Variants in RBFOX1 observed in about 807,000 individuals in gnomAD.
RBFOX1 encodes the protein RNA binding protein fox-1 homolog 1.
In RBFOX1, 8 loss-of-function variants were observed where a neutral mutation model predicts 57.7. The observed-to-expected ratio is 0.14, with a 90% CI of 0.08 to 0.25. RBFOX1 has a LOEUF of 0.25. RBFOX1 is among the 10% of genes least tolerant of loss of function. The pLI, the probability that RBFOX1 is intolerant of heterozygous loss-of-function variation, is 1.00. For synonymous variants in RBFOX1, 326 were observed against 222.4 expected (o/e 1.47, Z -4.15); for missense variants, 611 against 548.5 (o/e 1.11, Z -1.14).
At chr16:7,663,929 C>G (rs759555572) in intron 12 of RBFOX1, among the ~76,000 whole-genome samples, 2 of 152,112 alleles carry the variant, frequency 1.3e-5, no homozygotes, top group African/African-American at 2.4e-5. Context: ...CAAAGCATAC[C>G]AAAAAGCTTC....
intron 3 of RBFOX1, among the ~76,000 whole-genome samples, chr16:6,933,109 A>G (rs1461844516): frequency 1.3e-5 from 2 of 152,186 alleles, no homozygotes; most frequent in African/African-American, 4.8e-5. Context: ...ATTCCATTGT[A>G]TGTGTAAACC....
At chr16:5,462,271 C>G (rs1193574802) in intron 1 of RBFOX1, among the ~76,000 whole-genome samples, 1 of 151,268 alleles carries the variant, frequency 6.6e-6, no homozygotes, top group Admixed American at 6.6e-5. Context: ...CGGGTTCACG[C>G]CATTCTCCTG....
At chr16:7,666,028 G>A (rs777588380) in intron 13 of RBFOX1, among the ~76,000 whole-genome samples, 3 of 152,110 alleles carry the variant, frequency 2.0e-5, no homozygotes, top group African/African-American at 7.2e-5. Flanking sequence ...TAAAATGAGT[G>A]AACAACCCAT....
intron 3 of RBFOX1, among the ~76,000 whole-genome samples, chr16:6,862,764 C>A (rs1326852341): frequency 1.3e-5 from 2 of 152,134 alleles, no homozygotes; most frequent in Admixed American, 6.6e-5. Context: ...GCTGGTGGAT[C>A]ACCTGAGGTC....
At chr16:5,258,384 A>C (rs962953493) in intron 1 of RBFOX1, among the ~76,000 whole-genome samples, 3 of 149,454 alleles carry the variant, frequency 2.0e-5, no homozygotes, top group African/African-American at 7.5e-5. Context: ...CCCCTATGTA[A>C]TTTACTTTCC....
intron 1 of RBFOX1, among the ~76,000 whole-genome samples, chr16:6,144,036 T>C (rs2096739506): frequency 6.6e-6 from 1 of 151,476 alleles, no homozygotes; most frequent in Admixed American, 6.6e-5. Context: ...TGGCCTCCAG[T>C]GATCCTCTTG....
At chr16:6,215,452 G>C (rs58358965) in intron 1 of RBFOX1, among the ~76,000 whole-genome samples, 38,606 of 148,888 alleles carry the variant, frequency 0.26, 5,911 homozygotes, top group Admixed American at 0.36. Context: ...AGGAGAGAAA[G>C]GAAGAGAGGG....
chr16:7,215,945 G>T (rs554244057), intron 4 of RBFOX1, among the ~76,000 whole-genome samples: 36 of 152,144 alleles, frequency 2.4e-4, no homozygotes, highest in African/African-American at 7.2e-4. Flanking sequence ...GGATGGTCTC[G>T]ATTTCCTGAC....
At chr16:6,413,837 TG>T (rs931664285) in intron 2 of RBFOX1, among the ~76,000 whole-genome samples, 9 of 152,080 alleles carry the variant, frequency 5.9e-5, no homozygotes, top group Non-Finnish European at 1.2e-4. Flanking sequence ...TCTTTTTTGT[TG>T]GGGGGAACTA....
intron 4 of RBFOX1, among the ~76,000 whole-genome samples, chr16:7,155,413 A>G (rs1240299642): frequency 6.6e-6 from 1 of 151,214 alleles, no homozygotes; most frequent in Non-Finnish European, 1.5e-5. Context: ...ACATGGAAAA[A>G]CTCCATATCT....
At chr16:6,334,864 C>T (rs2083441944) in intron 2 of RBFOX1, among the ~76,000 whole-genome samples, 1 of 152,138 alleles carries the variant, frequency 6.6e-6, no homozygotes, top group Non-Finnish European at 1.5e-5. Flanking sequence ...AACTTTTCCC[C>T]TGTGGTCAAA....
chr16:5,705,858 A>C (rs1375395718), intron 3 of RBFOX1, among the ~76,000 whole-genome samples: 1 of 152,210 alleles, frequency 6.6e-6, no homozygotes, highest in Non-Finnish European at 1.5e-5. Flanking sequence ...GTGGAAACAA[A>C]ATAGGTGCCT....
intron 4 of RBFOX1, among the ~76,000 whole-genome samples, chr16:6,005,173 C>G (rs2060670795): frequency 6.6e-6 from 1 of 152,162 alleles, no homozygotes; most frequent in Non-Finnish European, 1.5e-5. Flanking sequence ...CACATGACTT[C>G]AAATGCGGAA....
intron 4 of RBFOX1, among the ~76,000 whole-genome samples, chr16:7,171,087 C>T (rs1481782366): frequency 6.6e-6 from 1 of 152,162 alleles, no homozygotes; most frequent in East Asian, 1.9e-4. Context: ...GGTCCAGCTC[C>T]ATCCCAGCTT....
chr16:5,802,733 G>A (rs1223551910), intron 3 of RBFOX1, among the ~76,000 whole-genome samples: 4 of 152,246 alleles, frequency 2.6e-5, no homozygotes, highest in Non-Finnish European at 5.9e-5. Flanking sequence ...CTGGATTACA[G>A]ACAAAAACTC....
At chr16:7,102,022 T>G (rs1380564502) in intron 4 of RBFOX1, among the ~76,000 whole-genome samples, 1 of 152,170 alleles carries the variant, frequency 6.6e-6, no homozygotes, top group Non-Finnish European at 1.5e-5. Flanking sequence ...CAAATTTACA[T>G]AAGCTACCAG....
intron 1 of RBFOX1, among the ~76,000 whole-genome samples, chr16:6,313,804 G>T (rs2080709091): frequency 7.4e-6 from 1 of 134,422 alleles, no homozygotes. Context: ...AAGAGTAATT[G>T]CAAACTCAGA....
chr16:7,129,768 G>A (rs1012796106), intron 4 of RBFOX1, among the ~76,000 whole-genome samples: 10 of 133,026 alleles, frequency 7.5e-5, no homozygotes, highest in African/African-American at 2.2e-4. Context: ...ACAACTCCTA[G>A]CTGCAAAGAG....
At chr16:5,897,147 C>T (rs923634403) in intron 4 of RBFOX1, among the ~76,000 whole-genome samples, 6 of 151,692 alleles carry the variant, frequency 4.0e-5, no homozygotes, top group East Asian at 2.0e-4. Flanking sequence ...GCGATTCTCC[C>T]GCCTCAGCCT....
Sources: allele counts gnomAD v4.1 joint callset (sites outside exome capture counted in the v4.1 genomes callset), GRCh38; gene constraint gnomAD v4.1.1; transcripts MANE v1.5; gene names NCBI Gene and HGNC (gene_info 2026-07-23, HGNC 2026-07-21).